The following RBFOX1 variants were observed in gnomAD, a reference collection of about 807,000 sequenced individuals.
RBFOX1 encodes RNA binding protein fox-1 homolog 1.
A neutral mutation model predicts 57.7 loss-of-function variants in RBFOX1; 8 were observed. The ratio of observed to expected loss-of-function variants is 0.14; its 90% CI spans 0.08 to 0.25. The LOEUF (loss-of-function observed/expected upper bound fraction) is 0.25, where lower values mean the gene tolerates loss of function less well. Ranked by LOEUF, RBFOX1 falls within the 10% of genes least tolerant of loss-of-function variation. The probability of loss-of-function intolerance (pLI) is 1.00; values close to 1 mark genes in which losing one functional copy is unlikely to be tolerated. For missense variants in RBFOX1, 611 were observed against 548.5 expected (o/e 1.11, Z -1.14); for synonymous variants, 326 against 222.4 (o/e 1.47, Z -4.15).
chr16:6,044,477 C>T (rs1169001444), intron 1 of RBFOX1, among the ~76,000 whole-genome samples: 3 of 142,168 alleles, frequency 2.1e-5, no homozygotes, highest in Non-Finnish European at 4.6e-5. Flanking sequence ...CTTAGAAGAC[C>T]TGTTTTAGGT....
At chr16:5,484,109 C>T (rs371137529) in intron 2 of RBFOX1, among the ~76,000 whole-genome samples, 118 of 152,238 alleles carry the variant, frequency 7.8e-4, no homozygotes, top group Admixed American at 5.9e-3. Context: ...AGGTTGAGGC[C>T]GCAGTGAGCT....
chr16:5,506,826 G>A (rs1597340612), intron 2 of RBFOX1, among the ~76,000 whole-genome samples: 1 of 152,136 alleles, frequency 6.6e-6, no homozygotes, highest in African/African-American at 2.4e-5. Flanking sequence ...CACCTTGGGA[G>A]TGGGGTCTAA....
intron 1 of RBFOX1, among the ~76,000 whole-genome samples, chr16:6,307,124 A>C: frequency 6.6e-6 from 1 of 152,162 alleles, no homozygotes; most frequent in East Asian, 1.9e-4. Flanking sequence ...TAGTGGTAAA[A>C]CCTGCAGCAA....
In RBFOX1 at chr16:6,311,610, G is replaced by C. The variant is rs184875121; in HGVS notation, c.-126-5385G>C. On this transcript the variant is annotated intron_variant, in intron 1 of 15. Transcript: ENST00000550418. The stretch of plus-strand genomic sequence containing the variant: ...AACCACAGGTTTACAGTAACATTAC[G>C]TATTGCTTCTGAGGCTGGAGTTCAG... 1.7e-3 allele frequency among the ~76,000 whole-genome samples: 261 copies of C among 152,304 alleles called. 1 individual carries two copies. Among genetic ancestry groups the C allele is most frequent in the Admixed American group, 3.8e-3 (58 of 15,300 alleles).
chr16:6,323,945 G>A (rs1316402056), intron 2 of RBFOX1, among the ~76,000 whole-genome samples: 1 of 152,058 alleles, frequency 6.6e-6, no homozygotes, highest in Non-Finnish European at 1.5e-5. Context: ...GCTAGTGTTT[G>A]TATTTTTAGT....
At chr16:5,335,209 A>G (rs200413733) in intron 1 of RBFOX1, among the ~76,000 whole-genome samples, 3 of 147,454 alleles carry the variant, frequency 2.0e-5, no homozygotes, top group African/African-American at 7.4e-5. Context: ...TGGGTTCTTT[A>G]TCTTTTTTCT....
chr16:5,427,619 CAAAACAA>C (rs1170031718), intron 1 of RBFOX1, among the ~76,000 whole-genome samples: 1 of 148,800 alleles, frequency 6.7e-6, no homozygotes, highest in East Asian at 2.0e-4. Flanking sequence ...CAAAACAAAA[CAAAACAA>C]ATCACCCTGC....
chr16:6,235,873 G>A (rs533145568), intron 1 of RBFOX1, among the ~76,000 whole-genome samples: 1 of 152,146 alleles, frequency 6.6e-6, no homozygotes, highest in Non-Finnish European at 1.5e-5. Context: ...GTGAGAAAGG[G>A]GTGAGGGATA....
chr16:6,831,657 A>G (rs771284404), intron 3 of RBFOX1, among the ~76,000 whole-genome samples: 14 of 152,170 alleles, frequency 9.2e-5, no homozygotes, highest in Admixed American at 2.0e-4. Context: ...ATTTTTTTTA[A>G]TACAAAGATG....
chr16:5,263,153 G>A (rs546587519), intron 1 of RBFOX1, among the ~76,000 whole-genome samples: 13 of 152,226 alleles, frequency 8.5e-5, no homozygotes, highest in Admixed American at 8.5e-4. Flanking sequence ...CGAGAAAGGT[G>A]GGGAATGGAC....
At chr16:7,700,333 A>G (rs551840895) in intron 14 of RBFOX1, among the ~76,000 whole-genome samples, 14 of 152,260 alleles carry the variant, frequency 9.2e-5, no homozygotes, top group Non-Finnish European at 1.8e-4. Context: ...TACGATGAGG[A>G]TGCACCATTA....
At chr16:7,217,905 CAT>C (rs34029924) in intron 4 of RBFOX1, among the ~76,000 whole-genome samples, 16,447 of 88,220 alleles carry the variant, frequency 0.19, 2,601 homozygotes, top group African/African-American at 0.38. Flanking sequence ...TATGTGTGTG[CAT>C]GTGTGTGTGT....
At chr16:6,473,819 T>A (rs954873730) in intron 2 of RBFOX1, among the ~76,000 whole-genome samples, 1 of 151,994 alleles carries the variant, frequency 6.6e-6, no homozygotes, top group African/African-American at 2.4e-5. Context: ...TAGAAAGGGG[T>A]GTTCCTTGTG....
chr16:7,529,283 AAAAG>A (rs1253172245), intron 5 of RBFOX1, among the ~76,000 whole-genome samples: 1 of 152,194 alleles, frequency 6.6e-6, no homozygotes, highest in African/African-American at 2.4e-5. Flanking sequence ...AACAAGAAGA[AAAAG>A]AAAACTCAAA....
intron 3 of RBFOX1, among the ~76,000 whole-genome samples, chr16:6,890,291 G>C (rs11645169): frequency 0.23 from 35,555 of 151,962 alleles, 4,640 homozygotes; most frequent in Admixed American, 0.36. Context: ...GGCCGAGGCA[G>C]GTGGATTGCT....
chr16:7,412,226 C>G (rs1597785478), intron 4 of RBFOX1, among the ~76,000 whole-genome samples: 1 of 151,724 alleles, frequency 6.6e-6, no homozygotes, highest in East Asian at 2.0e-4. Flanking sequence ...ACTAGCCTGG[C>G]CAACATGGTG....
At chr16:6,123,954 A>G (rs1206277365) in intron 1 of RBFOX1, among the ~76,000 whole-genome samples, 1 of 152,208 alleles carries the variant, frequency 6.6e-6, no homozygotes, top group African/African-American at 2.4e-5. Context: ...CAAGAAAAAA[A>G]TACAAGGAGA....
At chr16:5,936,440 G>T (rs62013904) in intron 4 of RBFOX1, among the ~76,000 whole-genome samples, 1 of 152,094 alleles carries the variant, frequency 6.6e-6, no homozygotes, top group African/African-American at 2.4e-5. Context: ...GAGGAATTTT[G>T]TTTGGAAAAA....
chr16:5,325,265 C>T (rs1453729077), intron 1 of RBFOX1, among the ~76,000 whole-genome samples: 2 of 151,982 alleles, frequency 1.3e-5, no homozygotes, highest in African/African-American at 2.4e-5. Flanking sequence ...TCCCCAACTA[C>T]TTGTAATAGC....
Sources: gnomAD v4.1 joint callset for allele counts (sites outside exome capture counted in the v4.1 genomes callset) on GRCh38, gnomAD v4.1.1 for gene constraint, MANE v1.5 for transcripts, NCBI Gene and HGNC (gene_info 2026-07-23, HGNC 2026-07-21) for gene names.